The following GSTCD variants were observed in gnomAD, a reference collection of about 807,000 sequenced individuals.
The protein encoded by GSTCD is glutathione S-transferase C-terminal domain containing.
GSTCD carries 44 observed loss-of-function variants against 68.3 expected under a neutral mutation model. The ratio of observed to expected loss-of-function variants is 0.64; its 90% CI spans 0.51 to 0.83. GSTCD has a LOEUF of 0.83. GSTCD is among the 40% of genes least tolerant of loss of function. The pLI, the probability that GSTCD is intolerant of heterozygous loss-of-function variation, is 0.00. For synonymous variants in GSTCD, 273 were observed against 255.2 expected (o/e 1.07, Z -0.67); for missense variants, 739 against 735.9 (o/e 1.00, Z -0.05).
intron 5 of GSTCD, among the ~76,000 whole-genome samples, chr4:105,822,601 A>T (rs1723357465): frequency 6.6e-6 from 1 of 152,148 alleles, no homozygotes; most frequent in Non-Finnish European, 1.5e-5. Flanking sequence ...CCATTCTGCC[A>T]ACATTAATTG....
At chr4:105,824,922 C>T (rs1483477055) in intron 7 of GSTCD, among the ~76,000 whole-genome samples, 2 of 152,162 alleles carry the variant, frequency 1.3e-5, no homozygotes, top group African/African-American at 2.4e-5. Context: ...CCATTCCCCC[C>T]AAACCGATTT....
intron 1 of GSTCD, among the ~76,000 whole-genome samples, chr4:105,713,874 A>G (rs1732609382): frequency 6.6e-6 from 1 of 151,744 alleles, no homozygotes. Flanking sequence ...ACATAATGCC[A>G]TAGATCTTGA....
intron 5 of GSTCD, among the ~76,000 whole-genome samples, chr4:105,733,943 T>C (rs912966506): frequency 2.0e-5 from 3 of 152,200 alleles, no homozygotes; most frequent in Non-Finnish European, 2.9e-5. Flanking sequence ...CCTTCACTTA[T>C]GAAGCTTAGT....
chr4:105,812,440 G>T (rs562791898), intron 5 of GSTCD, among the ~76,000 whole-genome samples: 5 of 152,160 alleles, frequency 3.3e-5, no homozygotes, highest in Admixed American at 2.0e-4. Context: ...GCCTCAAGCA[G>T]TCTTTCCGCC....
At chr4:105,833,713 T>G (rs1360407642) in intron 8 of GSTCD, among the ~76,000 whole-genome samples, 1 of 152,158 alleles carries the variant, frequency 6.6e-6, no homozygotes, top group Non-Finnish European at 1.5e-5. Context: ...CCTAAGAATT[T>G]TCATAATTAT....
chr4:105,833,604 T>C (rs918131783), intron 8 of GSTCD, among the ~76,000 whole-genome samples: 5 of 152,012 alleles, frequency 3.3e-5, no homozygotes, highest in African/African-American at 1.2e-4. Flanking sequence ...ATGTGAGGGG[T>C]TTTTTTGGTG....
intron 5 of GSTCD, among the ~76,000 whole-genome samples, chr4:105,810,552 T>C (rs935188008): frequency 1.3e-5 from 2 of 152,154 alleles, no homozygotes; most frequent in African/African-American, 4.8e-5. Context: ...TCAAGAGTTC[T>C]CATACACAAT....
chr4:105,742,021 T>G (rs1028763963), intron 5 of GSTCD, among the ~76,000 whole-genome samples: 2 of 152,218 alleles, frequency 1.3e-5, no homozygotes, highest in Non-Finnish European at 2.9e-5. Context: ...AGGAGAAATC[T>G]CTAATACAAT....
chr4:105,777,294 G>A (rs1735109551), intron 5 of GSTCD, among the ~76,000 whole-genome samples: 2 of 151,364 alleles, frequency 1.3e-5, no homozygotes, highest in South Asian at 2.1e-4. Flanking sequence ...GTATGTGTGT[G>A]TATATATATA....
At chr4:105,784,562 G>T (rs564796900) in intron 5 of GSTCD, among the ~76,000 whole-genome samples, 1 of 152,276 alleles carries the variant, frequency 6.6e-6, no homozygotes, top group Admixed American at 6.5e-5. Flanking sequence ...ACCCAAAATA[G>T]CATCCATTGA....
intron 5 of GSTCD, among the ~76,000 whole-genome samples, chr4:105,788,921 G>A (rs532214334): frequency 1.3e-5 from 2 of 151,738 alleles, no homozygotes; most frequent in East Asian, 1.9e-4. Context: ...TGTGAATTTC[G>A]GATCTCCCCA....
intron 5 of GSTCD, among the ~76,000 whole-genome samples, chr4:105,747,891 T>TGTTTGTTGTTTATATTAATATAACAAACA (rs1335472392): frequency 2.0e-5 from 3 of 151,450 alleles, no homozygotes; most frequent in Non-Finnish European, 4.4e-5. Flanking sequence ...GTAAACAGTT[T>TGTTTGTTGTTTATATTAATATAACAAACA]GTTGTTGTTG....
chr4:105,735,641 A>C (rs1375910511), intron 5 of GSTCD, among the ~76,000 whole-genome samples: 1 of 151,084 alleles, frequency 6.6e-6, no homozygotes, highest in Non-Finnish European at 1.5e-5. Flanking sequence ...GCGATGCCTC[A>C]CCCTGCTTTG....
chr4:105,765,813 G>T (rs1734582988), intron 5 of GSTCD, among the ~76,000 whole-genome samples: 2 of 152,108 alleles, frequency 1.3e-5, no homozygotes, highest in Admixed American at 1.3e-4. Flanking sequence ...TTTATAAGGG[G>T]CTTTCCCTGC....
intron 5 of GSTCD, among the ~76,000 whole-genome samples, chr4:105,749,553 T>C (rs924351022): frequency 2.0e-5 from 3 of 149,548 alleles, no homozygotes; most frequent in Non-Finnish European, 4.4e-5. Flanking sequence ...AGCAACTCAA[T>C]GGAAGAAGGA....
At chr4:105,806,442 T>A (rs1722499881) in intron 5 of GSTCD, among the ~76,000 whole-genome samples, 1 of 152,112 alleles carries the variant, frequency 6.6e-6, no homozygotes, top group African/African-American at 2.4e-5. Context: ...TTATTGGTAC[T>A]GTTTTTATAT....
intron 11 of GSTCD, among the ~76,000 whole-genome samples, chr4:105,844,746 C>G (rs1724485313): frequency 6.6e-6 from 1 of 152,106 alleles, no homozygotes; most frequent in Non-Finnish European, 1.5e-5. Context: ...TCATTTTTCC[C>G]AAGCTACTTT....
intron 5 of GSTCD, among the ~76,000 whole-genome samples, chr4:105,735,152 T>C (rs925311195): frequency 6.6e-6 from 1 of 152,194 alleles, no homozygotes; most frequent in African/African-American, 2.4e-5. Context: ...GGAGGCAATC[T>C]GTCAGTTCTC....
intron 5 of GSTCD, among the ~76,000 whole-genome samples, chr4:105,788,171 A>G (rs1279228928): frequency 6.6e-6 from 1 of 152,034 alleles, no homozygotes; most frequent in African/African-American, 2.4e-5. Context: ...TTTCATAAAT[A>G]CTTTATAAGG....
Sources: gnomAD v4.1 joint callset for allele counts (sites outside exome capture counted in the v4.1 genomes callset) on GRCh38, gnomAD v4.1.1 for gene constraint, MANE v1.5 for transcripts, NCBI Gene and HGNC (gene_info 2026-07-23, HGNC 2026-07-21) for gene names.